Variants in CDK14 observed in about 807,000 individuals in gnomAD.
CDK14 encodes cyclin-dependent kinase 14.
Under a neutral mutation model 60.7 loss-of-function variants are expected in CDK14, and 34 were observed. The observed-to-expected ratio is 0.56, with a 90% CI of 0.43 to 0.75. The LOEUF (loss-of-function observed/expected upper bound fraction) is 0.75, where lower values mean the gene tolerates loss of function less well. Ranked by LOEUF, CDK14 falls within the 30% of genes least tolerant of loss-of-function variation. The probability of loss-of-function intolerance (pLI) is 0.00; values close to 1 mark genes in which losing one functional copy is unlikely to be tolerated. For synonymous variants in CDK14, 197 were observed against 203.7 expected, an observed-to-expected ratio of 0.97 and a Z score of 0.28; for missense variants, 482 against 564.1, an observed-to-expected ratio of 0.85 and a Z score of 1.47.
At chr7:91,107,823 T>C (rs1324657996) in intron 12 of CDK14, 1 of 152,140 alleles carries the variant, frequency 6.6e-6, no homozygotes, top group Non-Finnish European at 1.5e-5. Context: ...TGCAATTGCT[T>C]TGGAAATGGA....
At chr7:90,722,299 G>C (rs1227355487) in intron 2 of CDK14, among the ~76,000 whole-genome samples, 1 of 152,106 alleles carries the variant, frequency 6.6e-6, no homozygotes, top group Non-Finnish European at 1.5e-5. Flanking sequence ...GCCCTCCCTG[G>C]CTCAAGAGAT....
chr7:91,178,818 G>A (rs919919789), intron 14 of CDK14, among the ~76,000 whole-genome samples: 12 of 151,796 alleles, frequency 7.9e-5, no homozygotes, highest in African/African-American at 1.5e-4. Context: ...ACAGGTGCTG[G>A]AGAGGATGTG....
At chr7:91,032,754 C>T (rs949127178) in intron 10 of CDK14, among the ~76,000 whole-genome samples, 3 of 152,196 alleles carry the variant, frequency 2.0e-5, no homozygotes, top group African/African-American at 7.2e-5. Flanking sequence ...GGCTCCAGAA[C>T]TGTGAGAGAG....
At chr7:90,816,140 G>A (rs767504162) in intron 5 of CDK14, among the ~76,000 whole-genome samples, 2 of 152,192 alleles carry the variant, frequency 1.3e-5, no homozygotes, top group African/African-American at 4.8e-5. Flanking sequence ...CACTGATGTG[G>A]TCATGGCAGA....
chr7:91,124,469 T>C (rs1461867072), intron 14 of CDK14, among the ~76,000 whole-genome samples: 18 of 152,144 alleles, frequency 1.2e-4, no homozygotes, highest in Admixed American at 1.2e-3. Flanking sequence ...AGAGTGATTT[T>C]TTAAAATAAA....
chr7:90,773,228 A>G (rs1196063140), intron 4 of CDK14, among the ~76,000 whole-genome samples: 1 of 152,196 alleles, frequency 6.6e-6, no homozygotes, highest in Non-Finnish European at 1.5e-5. Context: ...AGTGTGGACT[A>G]CACACCTTTC....
At chr7:90,950,349 G>A (rs753433435) in intron 8 of CDK14, among the ~76,000 whole-genome samples, 65 of 152,192 alleles carry the variant, frequency 4.3e-4, no homozygotes, top group Middle Eastern at 3.4e-3. Context: ...AGGGATTACA[G>A]GTGTTAACCA....
chr7:90,637,793 A>G (rs927452861), intron 2 of CDK14, among the ~76,000 whole-genome samples: 3 of 118,954 alleles, frequency 2.5e-5, no homozygotes, highest in African/African-American at 1.0e-4. Context: ...GGTCCTAAGG[A>G]CTTGCTTTAT....
At chr7:90,663,588 T>A (rs1800907916) in intron 2 of CDK14, among the ~76,000 whole-genome samples, 1 of 152,198 alleles carries the variant, frequency 6.6e-6, no homozygotes, top group Non-Finnish European at 1.5e-5. Flanking sequence ...CTAGCAAAAT[T>A]TCTGCTTCAA....
At chr7:91,164,639 T>C (rs1377975564) in intron 14 of CDK14, among the ~76,000 whole-genome samples, 1 of 152,160 alleles carries the variant, frequency 6.6e-6, no homozygotes, top group Non-Finnish European at 1.5e-5. Flanking sequence ...CATTATTACA[T>C]TGTTGGCATA....
intron 4 of CDK14, among the ~76,000 whole-genome samples, chr7:90,766,989 G>A (rs553977859): frequency 6.6e-6 from 1 of 151,988 alleles, no homozygotes; most frequent in African/African-American, 2.4e-5. Context: ...GAGCCATGTC[G>A]AGCCATGTAG....
chr7:90,776,858 C>T (rs766964601), intron 4 of CDK14, among the ~76,000 whole-genome samples: 29 of 152,076 alleles, frequency 1.9e-4, no homozygotes, highest in Non-Finnish European at 3.7e-4. Flanking sequence ...CTTGAGATGT[C>T]CAAACCTTTA....
At chr7:91,103,807 A>T (rs1055879801) in intron 12 of CDK14, among the ~76,000 whole-genome samples, 1 of 152,006 alleles carries the variant, frequency 6.6e-6, no homozygotes, top group African/African-American at 2.4e-5. Context: ...ACATTTTTTT[A>T]AAAAACTGCA....
chr7:90,933,866 A>C (rs1328475163), intron 8 of CDK14, among the ~76,000 whole-genome samples: 2 of 152,250 alleles, frequency 1.3e-5, no homozygotes, highest in Admixed American at 6.5e-5. Context: ...GTGGACAGCA[A>C]AGCTGGAGAG....
intron 5 of CDK14, among the ~76,000 whole-genome samples, chr7:90,834,541 A>C (rs539613901): frequency 6.6e-6 from 1 of 152,212 alleles, no homozygotes; most frequent in African/African-American, 2.4e-5. Context: ...CGTTTGCAGC[A>C]TAAGTTTTAA....
intron 8 of CDK14, among the ~76,000 whole-genome samples, chr7:90,937,898 G>A (rs993149888): frequency 6.6e-6 from 1 of 152,144 alleles, no homozygotes; most frequent in Non-Finnish European, 1.5e-5. Context: ...GAAATAATTT[G>A]TAATATTATA....
intron 5 of CDK14, among the ~76,000 whole-genome samples, chr7:90,845,976 C>A (rs1790458422): frequency 6.6e-6 from 1 of 151,996 alleles, no homozygotes; most frequent in African/African-American, 2.4e-5. Flanking sequence ...TACAGAGGCC[C>A]ACCTTTTATT....
chr7:90,903,221 A>G (rs1792575896), intron 7 of CDK14, among the ~76,000 whole-genome samples: 1 of 152,142 alleles, frequency 6.6e-6, no homozygotes, highest in Non-Finnish European at 1.5e-5. Flanking sequence ...CAACAGTCCT[A>G]CTAATGGGTG....
intron 11 of CDK14, among the ~76,000 whole-genome samples, chr7:91,071,273 A>G (rs1186747233): frequency 1.3e-5 from 2 of 152,230 alleles, no homozygotes; most frequent in Non-Finnish European, 2.9e-5. Context: ...AGCAGTGGTG[A>G]TCTGAGGCTC....
Sources: allele counts gnomAD v4.1 joint callset (sites outside exome capture counted in the v4.1 genomes callset), GRCh38; gene constraint gnomAD v4.1.1; transcripts MANE v1.5; gene names NCBI Gene and HGNC (gene_info 2026-07-23, HGNC 2026-07-21).